TNPO3: variants seen among roughly 807,000 people sequenced by gnomAD.
The protein encoded by TNPO3 is transportin-3.
TNPO3 carries 65 observed loss-of-function variants against 122.8 expected under a neutral mutation model. The observed-to-expected ratio is 0.53, with a 90% CI of 0.43 to 0.65. TNPO3 has a LOEUF of 0.65. Among genes scored for constraint, TNPO3 ranks in the 30% least tolerant of loss-of-function variants. The probability of loss-of-function intolerance (pLI) is 0.00; values close to 1 mark genes in which losing one functional copy is unlikely to be tolerated. For synonymous variants in TNPO3, 372 were observed against 411.2 expected (o/e 0.90, Z 1.15); for missense variants, 850 against 1,136.7 (o/e 0.75, Z 3.63).
rs890204473 is a variant in TNPO3, at chr7:128,957,848, G to A, written c.2712-533C>T. On this transcript the variant is annotated intron_variant, in intron 21 of 22. Transcript: ENST00000265388. ...GTCTCCACCAGTCATTGATTTTCTA[G>A]TTGAACAGGCTGCTCAGGATTTCCT... Among the ~76,000 whole-genome samples, 16 of 152,186 alleles carry A rather than the reference G, an allele frequency of 1.1e-4. 1 individual carries two copies. The highest frequency in any genetic ancestry group is 5.2e-4 in the Admixed American group (8 of 15,284).
intron 5 of TNPO3, among the ~76,000 whole-genome samples, chr7:129,003,809 G>A (rs776441303): frequency 1.3e-5 from 2 of 151,702 alleles, no homozygotes; most frequent in Non-Finnish European, 2.9e-5. Flanking sequence ...TGGATCAGTA[G>A]AGGAGATAAT....
chr7:128,965,636 T>A (rs1411603028), intron 21 of TNPO3, among the ~76,000 whole-genome samples: 1 of 152,228 alleles, frequency 6.6e-6, no homozygotes, highest in African/African-American at 2.4e-5. Flanking sequence ...GAAAGAGATA[T>A]TTGTACACCT....
At chr7:128,992,124 A>C in intron 9 of TNPO3, 34 bp from the exon 10 acceptor site, 1 of 1,279,440 alleles carries the variant, frequency 7.8e-7, no homozygotes, top group Non-Finnish European at 1.1e-6. Context: ...GGATCCATTA[A>C]AAGGAAAACA....
intron 1 of TNPO3, among the ~76,000 whole-genome samples, chr7:129,051,683 G>A (rs561882144): frequency 8.6e-5 from 13 of 152,044 alleles, no homozygotes; most frequent in Non-Finnish European, 1.5e-4. Flanking sequence ...GCGCTCTGTC[G>A]CCCAGGCTGG....
intron 16 of TNPO3, 80 bp downstream of exon 16, chr7:128,978,903 A>C: frequency 6.5e-7 from 1 of 1,543,394 alleles, no homozygotes; most frequent in Non-Finnish European, 8.8e-7. Flanking sequence ...AAGTGCTGGG[A>C]TTACAGACGT....
At chr7:129,003,058 A>AC (rs1554439866) in intron 5 of TNPO3, among the ~76,000 whole-genome samples, 2 of 145,290 alleles carry the variant, frequency 1.4e-5, no homozygotes, top group Non-Finnish European at 3.0e-5. Context: ...AAAAAAAAAA[A>AC]AAAAAATACA....
At chr7:128,972,605 G>C (rs767442508) in intron 18 of TNPO3, 23 bp from the exon 19 acceptor site, 1 of 1,607,392 alleles carries the variant, frequency 6.2e-7, no homozygotes, top group African/African-American at 1.3e-5. Flanking sequence ...GTGAGACTAG[G>C]TATAAATGAC....
rs186780485 is a variant in TNPO3 at position 128,983,938 on chromosome 7, C to A, written c.1782+230G>T. ...TGGCTCAGGACAAACCTCTTTAAAACATTTTATAAAATTTGGTTTTTCTGT... is the reference window on the plus strand; with the variant it reads ...TGGCTCAGGACAAACCTCTTTAAAAAATTTTATAAAATTTGGTTTTTCTGT... On this transcript the variant is annotated intron_variant, in intron 13 of 22. Coordinates refer to ENST00000265388, the MANE Select transcript of TNPO3 (RefSeq NM_012470.4). 3.8e-4 allele frequency among the ~76,000 whole-genome samples: 58 copies of A among 152,296 alleles called. 1 individual carries two copies. The East Asian group carries it at 8.1e-3, about 21-fold the overall frequency.
At chr7:128,995,031 T>C (rs1801163155) in intron 8 of TNPO3, among the ~76,000 whole-genome samples, 1 of 152,102 alleles carries the variant, frequency 6.6e-6, no homozygotes, top group Non-Finnish European at 1.5e-5. Context: ...AACTCCTGGG[T>C]TCAAGTGATC....
chr7:129,042,690 A>G (rs1175783761), intron 1 of TNPO3, among the ~76,000 whole-genome samples: 1 of 152,158 alleles, frequency 6.6e-6, no homozygotes, highest in Non-Finnish European at 1.5e-5. Flanking sequence ...AATGGTTTGA[A>G]AGGATACTAA....
chr7:129,008,865 A>G (rs1802875452), intron 4 of TNPO3, among the ~76,000 whole-genome samples: 2 of 152,258 alleles, frequency 1.3e-5, no homozygotes, highest in Admixed American at 6.5e-5. Flanking sequence ...CATGATGTGT[A>G]CAAGTGGAAG....
chr7:129,001,024 T>C (rs1801888460), intron 6 of TNPO3, 35 bp downstream of exon 6: 1 of 1,604,906 alleles, frequency 6.2e-7, no homozygotes, highest in Non-Finnish European at 8.5e-7. Context: ...AGACTGTAGG[T>C]AAACCCAGGG....
intron 1 of TNPO3, among the ~76,000 whole-genome samples, chr7:129,047,383 T>C (rs1490257486): frequency 6.6e-6 from 1 of 152,208 alleles, no homozygotes; most frequent in Non-Finnish European, 1.5e-5. Context: ...CTACTAAATA[T>C]ACAGGACAGG....
rs527532619 is a variant in TNPO3 at position 128,954,931 on chromosome 7, A to C, written c.*486T>G. The C allele has an allele frequency of 4.8e-5, 8 of 167,658 alleles. No individual in the cohort carries two copies. In the South Asian group the frequency reaches 1.1e-3, roughly 22 times the overall value. The allele number at this position is 167,658 out of a possible 1,614,324, so 10.4% of individuals were successfully genotyped here. ...CTATTTAATTCATGTGAATCCCCACATTATCCCTAAGTAAATATTTTGTTT... is the reference window on the plus strand; with the variant it reads ...CTATTTAATTCATGTGAATCCCCACCTTATCCCTAAGTAAATATTTTGTTT... On this transcript the variant is annotated 3_prime_UTR_variant, in exon 23 of 23. Transcript: ENST00000265388.
chr7:129,046,118 C>T (rs1808006499), intron 1 of TNPO3, among the ~76,000 whole-genome samples: 1 of 147,544 alleles, frequency 6.8e-6, no homozygotes, highest in Non-Finnish European at 1.5e-5. Flanking sequence ...ATTGCTTGAA[C>T]CCGGGAGGTG....
chr7:128,991,874 G>A (rs1019122414), intron 10 of TNPO3, 125 bp downstream of exon 10: 35 of 510,298 alleles, frequency 6.9e-5, no homozygotes, highest in African/African-American at 2.2e-4. Flanking sequence ...AAGACTAGAC[G>A]GCACAACAGA....
At position 129,038,246 on chromosome 7, in the gene TNPO3, T is replaced by C. The variant is rs551089706; in HGVS notation, c.120+16405A>G. Among the ~76,000 whole-genome samples, 15 of 152,048 alleles carry C rather than the reference T, an allele frequency of 9.9e-5. 1 individual carries two copies. The highest frequency in any genetic ancestry group is 3.4e-3 in the Middle Eastern group (1 of 294). On this transcript the variant is annotated intron_variant, in intron 1 of 22. Coordinates refer to ENST00000265388, the MANE Select transcript of TNPO3 (RefSeq NM_012470.4). ...AAATGGGAAGAAAAAAAGGAAAGAA[T>C]TCTAAAGCCAATGAAACCATATTTC...
At chr7:129,029,368 G>A (rs1805636023) in intron 1 of TNPO3, 1 of 152,800 alleles carries the variant, frequency 6.5e-6, no homozygotes, top group African/African-American at 2.4e-5. Context: ...TAAATCTGGT[G>A]CCATGCTCAA....
intron 1 of TNPO3, among the ~76,000 whole-genome samples, chr7:129,018,786 T>C (rs911193926): frequency 3.3e-5 from 5 of 152,196 alleles, no homozygotes; most frequent in Admixed American, 1.3e-4. Context: ...TGGCACAATC[T>C]AGGCTCACTG....
Sources: gnomAD v4.1 joint callset for allele counts (sites outside exome capture counted in the v4.1 genomes callset) on GRCh38, gnomAD v4.1.1 for gene constraint, MANE v1.5 for transcripts, NCBI Gene and HGNC (gene_info 2026-07-23, HGNC 2026-07-21) for gene names.